The following ITGA4 variants were observed in gnomAD, a reference collection of about 807,000 sequenced individuals.
The protein encoded by ITGA4 is integrin subunit alpha 4, also known as integrin alpha-4.
A neutral mutation model predicts 133.6 loss-of-function variants in ITGA4; 63 were observed. The ratio of observed to expected loss-of-function variants is 0.47; its 90% CI spans 0.38 to 0.58. The LOEUF (loss-of-function observed/expected upper bound fraction) is 0.58, where lower values mean the gene tolerates loss of function less well. ITGA4 is among the 20% of genes least tolerant of loss of function. ITGA4 has a pLI of 0.00. For synonymous variants in ITGA4, 483 were observed against 438.0 expected, an observed-to-expected ratio of 1.10 and a Z score of -1.28; for missense variants, 1,076 against 1,252.7, an observed-to-expected ratio of 0.86 and a Z score of 2.13.
intron 10 of ITGA4, among the ~76,000 whole-genome samples, chr2:181,491,967 C>G (rs1473177909): frequency 6.6e-6 from 1 of 152,120 alleles, no homozygotes; most frequent in African/African-American, 2.4e-5. Flanking sequence ...CCTATGGATA[C>G]TTTAATCTCA....
At position 181,482,347 on chromosome 2, in the gene ITGA4, T is replaced by A; in HGVS notation, c.841-13T>A. Reference sequence around the variant, plus strand: ...ATTCCTAAAAACTTTTCTAATTCTTTCCCTAATTACAGGCATATATATTCA... The same window carrying A: ...ATTCCTAAAAACTTTTCTAATTCTTACCCTAATTACAGGCATATATATTCA... On this transcript the variant is annotated splice_polypyrimidine_tract_variant and intron_variant, in intron 7 of 27. Coordinates refer to ENST00000397033, the MANE Select transcript of ITGA4 (RefSeq NM_000885.6). The A allele has an allele frequency of 6.3e-7, 1 of 1,590,060 alleles. No homozygotes were observed.
intron 17 of ITGA4, among the ~76,000 whole-genome samples, chr2:181,512,633 G>T (rs1574405685): frequency 6.6e-6 from 1 of 152,038 alleles, no homozygotes; most frequent in South Asian, 2.1e-4. Flanking sequence ...AGCCAATGGA[G>T]AATATAAAAA....
chr2:181,479,434 T>C (rs994259823), intron 5 of ITGA4: 1 of 152,078 alleles, frequency 6.6e-6, no homozygotes, highest in South Asian at 2.1e-4. Flanking sequence ...GGGTTGACAG[T>C]GTCTGCACAT....
At chr2:181,491,732 A>G (rs1295403745) in intron 10 of ITGA4, among the ~76,000 whole-genome samples, 1 of 151,138 alleles carries the variant, frequency 6.6e-6, no homozygotes, top group Non-Finnish European at 1.5e-5. Flanking sequence ...ACTTTTCCCC[A>G]CTCCTTCTTC....
chr2:181,531,378 C>T (rs1159458058), intron 24 of ITGA4, among the ~76,000 whole-genome samples: 1 of 152,094 alleles, frequency 6.6e-6, no homozygotes, highest in East Asian at 1.9e-4. Flanking sequence ...TGATTAGGAA[C>T]ATTTTTTAAA....
intron 11 of ITGA4, 60 bp downstream of exon 11, chr2:181,493,479 C>A: frequency 2.0e-6 from 2 of 1,003,848 alleles, no homozygotes; most frequent in East Asian, 2.6e-5. Context: ...CTTAAAACTT[C>A]CAGGGTTTAT....
intron 16 of ITGA4, among the ~76,000 whole-genome samples, chr2:181,510,098 A>G (rs928937448): frequency 2.0e-5 from 3 of 152,096 alleles, no homozygotes; most frequent in South Asian, 4.1e-4. Flanking sequence ...GAGAGAAATC[A>G]TAATGGGAGA....
chr2:181,506,847 A>G (rs1032896594), intron 15 of ITGA4, among the ~76,000 whole-genome samples: 4 of 152,220 alleles, frequency 2.6e-5, no homozygotes, highest in African/African-American at 9.6e-5. Context: ...ATGTCTATAG[A>G]TAAATAGAAA....
At chr2:181,477,461 T>C (rs1162071119) in intron 4 of ITGA4, among the ~76,000 whole-genome samples, 1 of 152,128 alleles carries the variant, frequency 6.6e-6, no homozygotes, top group East Asian at 1.9e-4. Flanking sequence ...ATAAGTCCTA[T>C]ATATTTAAAA....
At chr2:181,526,833 T>TTTTTTG (rs1408837239) in intron 21 of ITGA4, among the ~76,000 whole-genome samples, 1 of 96,410 alleles carries the variant, frequency 1.0e-5, no homozygotes, top group Non-Finnish European at 1.9e-5. Flanking sequence ...TTTTTTTTTT[T>TTTTTTG]TTTTTTTTTT....
At chr2:181,464,623 G>A (rs966236203) in intron 2 of ITGA4, among the ~76,000 whole-genome samples, 1 of 152,110 alleles carries the variant, frequency 6.6e-6, no homozygotes, top group Non-Finnish European at 1.5e-5. Flanking sequence ...GTTTTGAAGA[G>A]CACATGTAAG....
intron 9 of ITGA4, among the ~76,000 whole-genome samples, chr2:181,483,035 T>C (rs1685841532): frequency 1.3e-5 from 2 of 152,198 alleles, no homozygotes. Flanking sequence ...AATTATAAAA[T>C]ATTACTAGGA....
At chr2:181,509,950 C>T in intron 16 of ITGA4, 143 bp downstream of exon 16, 1 of 603,228 alleles carries the variant, frequency 1.7e-6, no homozygotes, top group Non-Finnish European at 2.9e-6. Flanking sequence ...TTATTCATTT[C>T]TTTAAATTGT....
intron 23 of ITGA4, among the ~76,000 whole-genome samples, chr2:181,529,857 C>T (rs913379343): frequency 6.6e-6 from 1 of 152,164 alleles, no homozygotes; most frequent in Non-Finnish European, 1.5e-5. Flanking sequence ...TACAGTGCAA[C>T]TTTTACATTT....
rs549238526 is a variant in ITGA4 at position 181,479,036 on chromosome 2, A to G, written c.624+212A>G. 439 of 345,406 alleles carry G rather than the reference A, an allele frequency of 1.3e-3. 3 individuals carry two copies. The highest frequency in any genetic ancestry group is 1.3e-4 in the Non-Finnish European group (24 of 187,134). 21.4% of individuals were successfully genotyped at this position (345,406 alleles called of 1,614,324 possible). A position where few individuals can be genotyped will look rare whatever the true frequency, so the allele number is the denominator to read the frequency against. Reference sequence around the variant, plus strand: ...TATTTAGGTGGCTATACTGCATAAGATGAATGAAAATCTATACTAAAGAAC... The same window carrying G: ...TATTTAGGTGGCTATACTGCATAAGGTGAATGAAAATCTATACTAAAGAAC... On this transcript the variant is annotated intron_variant, in intron 5 of 27. Transcript: ENST00000397033.
At chr2:181,490,030 G>T (rs1475808258) in intron 10 of ITGA4, among the ~76,000 whole-genome samples, 1 of 152,156 alleles carries the variant, frequency 6.6e-6, no homozygotes, top group African/African-American at 2.4e-5. Flanking sequence ...GATTGAGCAA[G>T]CAGGGGGTAC....
chr2:181,472,750 T>C (rs1689238302), intron 2 of ITGA4, among the ~76,000 whole-genome samples: 1 of 152,218 alleles, frequency 6.6e-6, no homozygotes, highest in Non-Finnish European at 1.5e-5. Flanking sequence ...CAACTCCCTA[T>C]TTTAGACCTT....
At chr2:181,513,607 T>C (rs1189138145) in intron 17 of ITGA4, among the ~76,000 whole-genome samples, 1 of 152,096 alleles carries the variant, frequency 6.6e-6, no homozygotes, top group Non-Finnish European at 1.5e-5. Context: ...ATTATTAACA[T>C]ACACATGTGA....
At position 181,495,832 on chromosome 2, in the gene ITGA4, G is replaced by A. The variant is rs1686145777; in HGVS notation, c.1435G>A (p.Val479Ile). The A allele has an allele frequency of 6.2e-7, 1 of 1,613,834 alleles. No homozygotes were observed. Among genetic ancestry groups the A allele is most frequent in the Admixed American group, 1.7e-5 (1 of 59,986 alleles). ...VDASLSHPES[V>I]NRTKFDCVEN... ...CGCTTCTTTAAGCCACCCTGAGTCAGTAAATAGAACGAAATTTGACTGTGT... is the reference window on the plus strand; with the variant it reads ...CGCTTCTTTAAGCCACCCTGAGTCAATAAATAGAACGAAATTTGACTGTGT... The change falls in exon 14 of 28, where the codon GTA becomes ATA. Residue 479 changes from valine (V) to isoleucine (I), a missense_variant. Val to Ile is a conservative substitution (Grantham distance 29, BLOSUM62 3). This residue lies in a region of ITGA4 where 436 missense variants were observed against 590.7 expected (regional missense o/e 0.74). Transcript: ENST00000397033. This position sits in a 1 kb window ranked among gnomAD's most constrained non-coding sequence, Gnocchi z 4.3.
Sources: gnomAD v4.1 joint callset for allele counts (sites outside exome capture counted in the v4.1 genomes callset) on GRCh38, gnomAD v4.1.1 for gene constraint, gnomAD v4.1.1 regional missense constraint, Gnocchi (gnomAD v3.1) non-coding constraint, MANE v1.5 for transcripts, NCBI Gene and HGNC (gene_info 2026-07-23, HGNC 2026-07-21) for gene names.